Variants in MINDY4 observed in about 807,000 individuals in gnomAD.
MINDY4 encodes MINDY lysine 48 deubiquitinase 4, also known as probable ubiquitin carboxyl-terminal hydrolase MINDY-4.
A neutral mutation model predicts 87.0 loss-of-function variants in MINDY4; 68 were observed. That is an observed-to-expected ratio of 0.78 (90% CI 0.64 to 0.96). The LOEUF is 0.96. Ranked by LOEUF, MINDY4 falls within the 40% of genes least tolerant of loss-of-function variation. The probability of loss-of-function intolerance (pLI) is 0.00; values close to 1 mark genes in which losing one functional copy is unlikely to be tolerated. For missense variants in MINDY4, 919 were observed against 928.2 expected (o/e 0.99, Z 0.13); for synonymous variants, 379 against 363.2 (o/e 1.04, Z -0.50).
intron 17 of MINDY4, among the ~76,000 whole-genome samples, 172 bp downstream of exon 17, chr7:30,883,165 A>ATGT (rs1249692762): frequency 6.6e-6 from 1 of 152,194 alleles, no homozygotes; most frequent in Non-Finnish European, 1.5e-5. Flanking sequence ...ACTGGGGCCC[A>ATGT]GGTTCAGGAG....
chr7:30,805,845 CG>C (rs759544724), intron 5 of MINDY4, among the ~76,000 whole-genome samples: 11 of 152,166 alleles, frequency 7.2e-5, no homozygotes, highest in Non-Finnish European at 1.6e-4. Flanking sequence ...GGAATAGGGC[CG>C]TTTATTCAGG....
In MINDY4 at chr7:30,891,984, C is replaced by T. The variant is rs375287585; in HGVS notation, c.2253C>T (p.Asn751=). ...TKWKGASVNW[N]GSDPIL is the part of the protein sequence containing the mutation. The stretch of plus-strand genomic sequence containing the variant: ...GGAAGGGGGCATCAGTGAACTGGAA[C>T]GGCTCAGACCCCATCCTGTGACCGT... The change falls in exon 18 of 18, where the codon AAC becomes AAT. Residue 751 remains asparagine, a synonymous_variant. Transcript: ENST00000265299. The T allele has an allele frequency of 3.5e-5, 56 of 1,614,050 alleles. 1 individual carries two copies. The highest frequency in any genetic ancestry group is 8.3e-5 in the Admixed American group (5 of 60,008).
At chr7:30,864,281 GA>G (rs1169382409) in intron 13 of MINDY4, among the ~76,000 whole-genome samples, 1 of 152,220 alleles carries the variant, frequency 6.6e-6, no homozygotes, top group African/African-American at 2.4e-5. Flanking sequence ...CTCTCCTCAA[GA>G]GATTAAAAGC....
At chr7:30,778,875 C>T (rs1435807388) in intron 2 of MINDY4, among the ~76,000 whole-genome samples, 1 of 152,210 alleles carries the variant, frequency 6.6e-6, no homozygotes, top group East Asian at 1.9e-4. Context: ...TTTAGTAAGA[C>T]TGTACTTAAG....
At chr7:30,853,518 T>C in intron 12 of MINDY4, 59 bp downstream of exon 12, 1 of 1,393,664 alleles carries the variant, frequency 7.2e-7, no homozygotes, top group Non-Finnish European at 1.0e-6. Flanking sequence ...GATTTCACTG[T>C]GGGAACAATG....
At chr7:30,858,490 A>T (rs1455301003) in intron 12 of MINDY4, 3 of 152,200 alleles carry the variant, frequency 2.0e-5, no homozygotes, top group Non-Finnish European at 4.4e-5. Context: ...AGGCCCCGGG[A>T]CACCAGCTCC....
intron 5 of MINDY4, among the ~76,000 whole-genome samples, chr7:30,828,315 G>A (rs1325080019): frequency 7.9e-5 from 11 of 140,074 alleles, no homozygotes; most frequent in Admixed American, 2.0e-4. Flanking sequence ...ACAAGAACTC[G>A]ATTTGTGTGT....
chr7:30,809,312 A>T (rs183194349), intron 5 of MINDY4, among the ~76,000 whole-genome samples: 1 of 151,690 alleles, frequency 6.6e-6, no homozygotes, highest in East Asian at 1.9e-4. Context: ...GAAAAAATTT[A>T]AAAAATAACT....
chr7:30,881,041 C>T (rs548429416), intron 15 of MINDY4, among the ~76,000 whole-genome samples: 139 of 152,288 alleles, frequency 9.1e-4, no homozygotes, highest in Middle Eastern at 3.4e-3. Context: ...AATTCCCATT[C>T]TTTCTTTAAT....
intron 17 of MINDY4, among the ~76,000 whole-genome samples, chr7:30,890,535 A>C (rs1431578994): frequency 1.3e-5 from 2 of 152,242 alleles, no homozygotes; most frequent in African/African-American, 4.8e-5. Flanking sequence ...TGCTCATTCA[A>C]AGGGAAATGG....
Position 30,882,182 on chromosome 7 carries a change from T to C in MINDY4, c.1973T>C (p.Val658Ala), listed in dbSNP as rs1672484207. The change falls in exon 16 of 18, where the codon GTT becomes GCT. Residue 658 changes from valine to alanine, a missense_variant and splice_region_variant. By Grantham distance (64) the Val-to-Ala change is moderately conservative. Transcript: ENST00000265299. ...ACATCAGGCCTCTCCCTCATCCAGG[T>C]TGGCTGCTTCCTGAAGACCCCGAGG... ...SLFEHYNMCQVGCFLKTPRFP... is the reference protein window; with the variant it reads ...SLFEHYNMCQAGCFLKTPRFP... 7 of 1,604,882 alleles carry C rather than the reference T, an allele frequency of 4.4e-6. No individual in the cohort carries two copies. The highest frequency in any genetic ancestry group is 5.1e-6 in the Non-Finnish European group (6 of 1,173,236).
chr7:30,881,898 A>C (rs766362941), intron 15 of MINDY4, among the ~76,000 whole-genome samples: 4 of 152,132 alleles, frequency 2.6e-5, no homozygotes, highest in Non-Finnish European at 4.4e-5. Context: ...AATGAGCAGT[A>C]CTGGGAACCA....
At position 30,774,089 on chromosome 7, in the gene MINDY4, G is replaced by A. The variant is rs148429649; in HGVS notation, c.63+2533G>A. On this transcript the variant is annotated intron_variant, in intron 1 of 17. Coordinates refer to ENST00000265299, the MANE Select transcript of MINDY4 (RefSeq NM_032222.3). ...TAAATCCATGGCCACTCACCCTTGT[G>A]GTGCCTTATGGGTGCCTGCCCACCT... is the stretch of plus-strand genomic sequence containing the variant. 5.1e-3 allele frequency among the ~76,000 whole-genome samples: 779 copies of A among 152,274 alleles called. 5 individuals carry two copies. Among genetic ancestry groups the A allele is most frequent in the African/African-American group, 0.018 (737 of 41,540 alleles).
intron 10 of MINDY4, 137 bp from the exon 11 acceptor site, chr7:30,852,079 G>A: frequency 1.1e-6 from 1 of 929,554 alleles, no homozygotes; most frequent in South Asian, 1.9e-5. Flanking sequence ...GGAAAAATGA[G>A]AAACTCTTGG....
chr7:30,885,956 G>A (rs1303148613), intron 17 of MINDY4, among the ~76,000 whole-genome samples: 4 of 152,202 alleles, frequency 2.6e-5, no homozygotes, highest in Non-Finnish European at 5.9e-5. Flanking sequence ...AGCTGAGTGG[G>A]TGAGTGGTGA....
chr7:30,811,878 C>T (rs983335736), intron 5 of MINDY4, among the ~76,000 whole-genome samples: 2 of 152,098 alleles, frequency 1.3e-5, no homozygotes, highest in African/African-American at 2.4e-5. Flanking sequence ...TTGGGGAGCT[C>T]GGTTGTTGGA....
chr7:30,807,306 C>A (rs748809156), intron 5 of MINDY4, among the ~76,000 whole-genome samples: 1 of 152,174 alleles, frequency 6.6e-6, no homozygotes. Flanking sequence ...GGAATCAACC[C>A]CTGGATCTGC....
chr7:30,880,310 C>A, intron 15 of MINDY4, among the ~76,000 whole-genome samples: 1 of 129,204 alleles, frequency 7.7e-6, no homozygotes, highest in Non-Finnish European at 1.6e-5. Context: ...GCACCCCCCC[C>A]CACCCCCGAC....
chr7:30,865,998 C>T (rs1789922509), intron 13 of MINDY4, among the ~76,000 whole-genome samples: 1 of 152,244 alleles, frequency 6.6e-6, no homozygotes, highest in South Asian at 2.1e-4. Flanking sequence ...GTGCAGCTGG[C>T]ATGGGCTGGG....
Sources: gnomAD v4.1 joint callset for allele counts (sites outside exome capture counted in the v4.1 genomes callset) on GRCh38, gnomAD v4.1.1 for gene constraint, MANE v1.5 for transcripts, NCBI Gene and HGNC (gene_info 2026-07-23, HGNC 2026-07-21) for gene names.